DLG2: variants seen among roughly 807,000 people sequenced by gnomAD.
DLG2 encodes disks large homolog 2.
In DLG2, 45 loss-of-function variants were observed where a neutral mutation model predicts 132.5. The ratio of observed to expected loss-of-function variants is 0.34; its 90% CI spans 0.27 to 0.44. The LOEUF is 0.44. Ranked by LOEUF, DLG2 falls within the 20% of genes least tolerant of loss-of-function variation. DLG2 has a pLI of 1.00. For synonymous variants in DLG2, 424 were observed against 419.6 expected, an observed-to-expected ratio of 1.01 and a Z score of -0.13; for missense variants, 1,045 against 1,196.9, an observed-to-expected ratio of 0.87 and a Z score of 1.87.
intron 3 of DLG2, among the ~76,000 whole-genome samples, chr11:85,441,273 C>T (rs1030321589): frequency 1.3e-5 from 2 of 152,128 alleles, no homozygotes; most frequent in Admixed American, 6.6e-5. Context: ...TCCCCCTTAC[C>T]GACCCTACTC....
chr11:83,520,673 A>T (rs2095448143), intron 21 of DLG2, among the ~76,000 whole-genome samples: 1 of 149,228 alleles, frequency 6.7e-6, no homozygotes, highest in Non-Finnish European at 1.5e-5. Flanking sequence ...ATAGAAAGAA[A>T]GACAGACAGG....
chr11:84,993,192 C>T (rs1280795096), intron 6 of DLG2, among the ~76,000 whole-genome samples: 3 of 152,142 alleles, frequency 2.0e-5, no homozygotes, highest in Admixed American at 2.0e-4. Flanking sequence ...CATTCTCACT[C>T]ATAAGTGGGA....
intron 6 of DLG2, among the ~76,000 whole-genome samples, chr11:84,801,715 T>A (rs2075402568): frequency 6.6e-6 from 1 of 152,192 alleles, no homozygotes; most frequent in Non-Finnish European, 1.5e-5. Context: ...GGTGTTGTGA[T>A]CATCATAAGA....
chr11:83,472,273 G>T (rs1338832410), intron 23 of DLG2, among the ~76,000 whole-genome samples: 1 of 152,102 alleles, frequency 6.6e-6, no homozygotes, highest in Non-Finnish European at 1.5e-5. Flanking sequence ...AATTCTCTCT[G>T]CAGTATCCTT....
At chr11:85,275,587 T>C (rs2077838018) in intron 4 of DLG2, among the ~76,000 whole-genome samples, 1 of 152,114 alleles carries the variant, frequency 6.6e-6, no homozygotes, top group African/African-American at 2.4e-5. Flanking sequence ...TCTTGGACAG[T>C]GCTTTGAGTT....
At chr11:84,827,405 A>G (rs1193214633) in intron 6 of DLG2, among the ~76,000 whole-genome samples, 2 of 151,758 alleles carry the variant, frequency 1.3e-5, no homozygotes, top group African/African-American at 2.4e-5. Context: ...ATGTGATTTC[A>G]TGGGGTGTTT....
chr11:84,486,949 T>G (rs1468429504), intron 7 of DLG2, among the ~76,000 whole-genome samples: 2 of 152,132 alleles, frequency 1.3e-5, no homozygotes, highest in African/African-American at 4.8e-5. Context: ...ATATAGATTC[T>G]TCTTACTCTG....
At chr11:84,055,169 T>A (rs1396103964) in intron 11 of DLG2, among the ~76,000 whole-genome samples, 1 of 151,984 alleles carries the variant, frequency 6.6e-6, no homozygotes, top group Non-Finnish European at 1.5e-5. Flanking sequence ...GATTCCTTCA[T>A]AATCTTCCCT....
intron 6 of DLG2, among the ~76,000 whole-genome samples, chr11:84,652,929 G>A (rs1363886482): frequency 1.5e-4 from 22 of 150,308 alleles, no homozygotes. Context: ...TCCAATATTG[G>A]AGGTTTTTTT....
intron 7 of DLG2, among the ~76,000 whole-genome samples, chr11:84,453,555 T>G (rs1220759695): frequency 1.3e-5 from 2 of 151,680 alleles, no homozygotes; most frequent in East Asian, 3.9e-4. Context: ...AGGTTTATAT[T>G]GTAGATATTT....
At chr11:84,355,917 T>C (rs2098608769) in intron 7 of DLG2, among the ~76,000 whole-genome samples, 1 of 152,108 alleles carries the variant, frequency 6.6e-6, no homozygotes, top group Non-Finnish European at 1.5e-5. Flanking sequence ...ATGTTATACC[T>C]GAGTTACATC....
intron 3 of DLG2, among the ~76,000 whole-genome samples, chr11:85,443,757 A>T (rs2091889255): frequency 6.6e-6 from 1 of 152,234 alleles, no homozygotes; most frequent in Non-Finnish European, 1.5e-5. Flanking sequence ...CAGAAATGAG[A>T]CTTGTTGCCT....
At chr11:85,194,075 A>C (rs774843026) in intron 4 of DLG2, among the ~76,000 whole-genome samples, 32 of 152,238 alleles carry the variant, frequency 2.1e-4, no homozygotes, top group Non-Finnish European at 3.7e-4. Flanking sequence ...ATTCTGTAAC[A>C]GCTTAGGTCA....
At chr11:84,634,940 A>G (rs1488924488) in intron 6 of DLG2, among the ~76,000 whole-genome samples, 3 of 152,202 alleles carry the variant, frequency 2.0e-5, no homozygotes, top group Non-Finnish European at 4.4e-5. Context: ...AAGGAAATGG[A>G]GAGGCAATAG....
At chr11:83,775,721 C>CT (rs11388016) in intron 18 of DLG2, among the ~76,000 whole-genome samples, 38,867 of 143,586 alleles carry the variant, frequency 0.27, 6,279 homozygotes, top group African/African-American at 0.47. Context: ...TGTCATTATT[C>CT]TTTTTTTTTT....
At chr11:83,473,073 C>G (rs1440091764) in intron 22 of DLG2, among the ~76,000 whole-genome samples, 2 of 152,072 alleles carry the variant, frequency 1.3e-5, no homozygotes, top group African/African-American at 4.8e-5. Context: ...GGCCTCTACA[C>G]CAAGCATTAC....
At position 84,242,993 on chromosome 11, in the gene DLG2, T is replaced by TTCTCTCTCTCTCTCTCTCTC. The variant is rs145284405; in HGVS notation, c.573+8225_573+8244dup. ...AGGATAGTTTTGATGATTAATTAGG[T>TTCTCTCTCTCTCTCTCTCTC]TCTCTCTCTCTCTCTCTCTCTCTCT... On this transcript the variant is annotated intron_variant, in intron 8 of 27. Transcript: ENST00000376104. 1.7e-3 allele frequency among the ~76,000 whole-genome samples: 213 copies of TTCTCTCTCTCTCTCTCTCTC among 125,040 alleles called. 2 individuals are homozygous for TTCTCTCTCTCTCTCTCTCTC. Among genetic ancestry groups the TTCTCTCTCTCTCTCTCTCTC allele is most frequent in the South Asian group, 6.0e-3 (21 of 3,476 alleles). The allele number at this position is 125,040 out of a possible 152,430, so 82.0% of individuals were successfully genotyped here. A position where few individuals can be genotyped will look rare whatever the true frequency, so the allele number is the denominator to read the frequency against.
intron 6 of DLG2, among the ~76,000 whole-genome samples, chr11:84,700,208 T>C (rs78024626): frequency 0.11 from 16,468 of 151,628 alleles, 1,133 homozygotes; most frequent in Admixed American, 0.17. Flanking sequence ...AACAATAATA[T>C]TTATTTTATA....
intron 6 of DLG2, chr11:84,639,902 C>T: frequency 5.7e-6 from 1 of 175,858 alleles, no homozygotes; most frequent in Admixed American, 6.3e-5. Flanking sequence ...CCTCATCATC[C>T]CCATTCTATT....
Sources: gnomAD v4.1 joint callset for allele counts (sites outside exome capture counted in the v4.1 genomes callset) on GRCh38, gnomAD v4.1.1 for gene constraint, MANE v1.5 for transcripts, NCBI Gene and HGNC (gene_info 2026-07-23, HGNC 2026-07-21) for gene names.